Variants in AGBL1 observed in about 807,000 individuals in gnomAD.
AGBL1 encodes the protein AGBL carboxypeptidase 1, also known as cytosolic carboxypeptidase 4.
AGBL1 carries 130 observed loss-of-function variants against 118.9 expected under a neutral mutation model. The ratio of observed to expected loss-of-function variants is 1.09; its 90% CI spans 0.95 to 1.26. AGBL1 has a LOEUF of 1.26. AGBL1 is among the 50% of genes most tolerant of loss of function. The probability of loss-of-function intolerance (pLI) is 0.00; values close to 1 mark genes in which losing one functional copy is unlikely to be tolerated. For missense variants in AGBL1, 1,584 were observed against 1,298.1 expected (o/e 1.22, Z -3.38); for synonymous variants, 555 against 478.9 (o/e 1.16, Z -2.08).
chr15:86,533,962 TG>T (rs1291136721), intron 19 of AGBL1, among the ~76,000 whole-genome samples: 1 of 58,684 alleles, frequency 1.7e-5, no homozygotes, highest in East Asian at 5.8e-4. Context: ...GGGACTGTGG[TG>T]GGGTGGGGGG....
At chr15:86,321,334 CCTT>C (rs1397594516) in intron 17 of AGBL1, among the ~76,000 whole-genome samples, 1 of 152,034 alleles carries the variant, frequency 6.6e-6, no homozygotes, top group Non-Finnish European at 1.5e-5. Context: ...GACAAGTTGT[CCTT>C]ATTTTTTCTG....
At chr15:86,131,338 T>C (rs1343355525) in intron 1 of AGBL1, among the ~76,000 whole-genome samples, 2 of 152,226 alleles carry the variant, frequency 1.3e-5, no homozygotes, top group Non-Finnish European at 2.9e-5. Flanking sequence ...GTGGTACACA[T>C]GACAAAGCAT....
At chr15:86,169,790 A>G (rs1567101348) in intron 5 of AGBL1, among the ~76,000 whole-genome samples, 2 of 152,234 alleles carry the variant, frequency 1.3e-5, no homozygotes. Context: ...CCATGAATAC[A>G]GAGCTGACTG....
At chr15:86,847,849 T>C (rs1462060623) in intron 22 of AGBL1, among the ~76,000 whole-genome samples, 5 of 152,196 alleles carry the variant, frequency 3.3e-5, no homozygotes, top group African/African-American at 1.2e-4. Context: ...GGTAGAAAGC[T>C]TACCGAGGCC....
At chr15:86,522,743 G>T in intron 18 of AGBL1, 67 bp from the exon 19 acceptor site, 1 of 1,549,514 alleles carries the variant, frequency 6.5e-7, no homozygotes, top group South Asian at 1.2e-5. Context: ...TTATCTTGTG[G>T]AGCTTTATTT....
intron 18 of AGBL1, among the ~76,000 whole-genome samples, chr15:86,478,243 A>G (rs2082592349): frequency 6.6e-6 from 1 of 152,334 alleles, no homozygotes; most frequent in African/African-American, 2.4e-5. Context: ...GCAATCAGGC[A>G]GGAGAAAGAA....
chr15:86,266,197 G>T lies in AGBL1; in HGVS notation c.1668-177G>T, dbSNP rs561890769. ...AGTTTTATTTTTTGATAGAGGCAGA[G>T]AAAGAAGAAGGGCAGGGCTATTTGT... On this transcript the variant is annotated intron_variant, in intron 11 of 22. Transcript: ENST00000614907. Among the ~76,000 whole-genome samples, 4 of 152,310 alleles carry T rather than the reference G, an allele frequency of 2.6e-5. No individual in the cohort carries two copies. In the East Asian group the frequency reaches 5.8e-4, roughly 22 times the overall value.
intron 17 of AGBL1, among the ~76,000 whole-genome samples, chr15:86,327,565 C>T (rs543529790): frequency 2.0e-5 from 3 of 152,280 alleles, no homozygotes; most frequent in Non-Finnish European, 2.9e-5. Flanking sequence ...AAATCTTAGG[C>T]ATATGTGCCC....
chr15:86,197,897 A>T (rs554219793), intron 5 of AGBL1, among the ~76,000 whole-genome samples: 2 of 131,938 alleles, frequency 1.5e-5, no homozygotes, highest in Non-Finnish European at 3.1e-5. Context: ...GCTATTCTTT[A>T]AAAAAAAAAA....
chr15:86,412,168 TTAACTAGTC>T (rs2081629427), intron 18 of AGBL1, among the ~76,000 whole-genome samples: 1 of 152,350 alleles, frequency 6.6e-6, no homozygotes, highest in African/African-American at 2.4e-5. Context: ...TAACATTCTC[TTAACTAGTC>T]TATACAGACA....
intron 22 of AGBL1, among the ~76,000 whole-genome samples, chr15:86,803,713 A>G (rs904853858): frequency 7.2e-5 from 11 of 152,124 alleles, no homozygotes; most frequent in Admixed American, 5.9e-4. Context: ...AAAGTCTTGA[A>G]GGAAAGAGAC....
intron 7 of AGBL1, among the ~76,000 whole-genome samples, chr15:86,248,531 G>A (rs183899072): frequency 3.0e-4 from 46 of 152,170 alleles, no homozygotes; most frequent in African/African-American, 1.1e-3. Flanking sequence ...GGGCCTTGAG[G>A]TTCTTCAAAA....
At chr15:86,572,531 C>G (rs2084025060) in intron 21 of AGBL1, among the ~76,000 whole-genome samples, 1 of 152,322 alleles carries the variant, frequency 6.6e-6, no homozygotes, top group South Asian at 2.1e-4. Context: ...GCTCTGGAGA[C>G]TGTCCGCCTC....
At chr15:86,623,256 GA>G (rs5814254) in intron 21 of AGBL1, among the ~76,000 whole-genome samples, 57,431 of 152,004 alleles carry the variant, frequency 0.38, 11,067 homozygotes, top group East Asian at 0.51. Context: ...GGGTTTGGAG[GA>G]AGGCAGGAGC....
chr15:86,781,833 A>G (rs1331953203), intron 22 of AGBL1, among the ~76,000 whole-genome samples: 3 of 152,092 alleles, frequency 2.0e-5, no homozygotes, highest in African/African-American at 7.2e-5. Context: ...AAAGTTGACT[A>G]TGATGACACT....
chr15:86,722,707 A>G lies in AGBL1; in HGVS notation c.3158+48271A>G, dbSNP rs573097286. Among the ~76,000 whole-genome samples, 3 of 152,334 alleles carry G rather than the reference A, an allele frequency of 2.0e-5. No individual in the cohort carries two copies. In the East Asian group the frequency reaches 5.8e-4, roughly 29 times the overall value. ...CTGCACAACAAAAGAAACTATCATC[A>G]GAGTGAACAGGCAACCTGCAGAATG... On this transcript the variant is annotated intron_variant, in intron 22 of 22. Transcript: ENST00000614907.
intron 1 of AGBL1, among the ~76,000 whole-genome samples, chr15:86,102,768 T>A (rs1181066926): frequency 6.6e-6 from 1 of 152,230 alleles, no homozygotes; most frequent in African/African-American, 2.4e-5. Flanking sequence ...GTGGAGAAGA[T>A]GTTTTTGAAT....
chr15:86,713,826 A>G (rs1042911482), intron 22 of AGBL1, among the ~76,000 whole-genome samples: 2 of 152,182 alleles, frequency 1.3e-5, no homozygotes, highest in African/African-American at 4.8e-5. Context: ...AAATCCACTA[A>G]AATCAAATAA....
At chr15:86,990,181 T>G (rs2141739434) in intron 24 of AGBL1, among the ~76,000 whole-genome samples, 1 of 152,240 alleles carries the variant, frequency 6.6e-6, no homozygotes, top group East Asian at 1.9e-4. Flanking sequence ...AGGGCTCTTG[T>G]GTAACTCCAG....
Sources: allele counts gnomAD v4.1 joint callset (sites outside exome capture counted in the v4.1 genomes callset), GRCh38; gene constraint gnomAD v4.1.1; transcripts MANE v1.5; gene names NCBI Gene and HGNC (gene_info 2026-07-23, HGNC 2026-07-21).